QTGAL: variants seen among roughly 807,000 people sequenced by gnomAD.
QTGAL encodes queuosine-tRNA galactosyltransferase.
At chr17:83,014,133 G>A in the QTGAL span, among the ~76,000 whole-genome samples, 6 of 152,318 alleles carry the variant, frequency 3.9e-5, no homozygotes, top group South Asian at 2.1e-4. Flanking sequence ...TAAGAAAAAC[G>A]TTTAACTGTG....
At chr17:82,965,882 A>G in the QTGAL span, 1 of 918,866 alleles carries the variant, frequency 1.1e-6, no homozygotes, top group South Asian at 1.6e-5. Flanking sequence ...CAGGGCCTCA[A>G]GAGACTTCAC....
the QTGAL span, among the ~76,000 whole-genome samples, chr17:83,009,284 C>T: frequency 2.0e-5 from 3 of 151,990 alleles, no homozygotes; most frequent in East Asian, 3.9e-4. Flanking sequence ...ATTAGCCGGG[C>T]GTGGTGGCGC....
At chr17:83,015,366 A>G in the QTGAL span, among the ~76,000 whole-genome samples, 3 of 152,272 alleles carry the variant, frequency 2.0e-5, no homozygotes, top group African/African-American at 7.2e-5. This position sits in a 1 kb window ranked among gnomAD's most constrained non-coding sequence, Gnocchi z 4.4. Flanking sequence ...TCACACACAC[A>G]GACATGCTCA....
At chr17:82,989,046 G>A in the QTGAL span, among the ~76,000 whole-genome samples, 3 of 152,144 alleles carry the variant, frequency 2.0e-5, no homozygotes, top group African/African-American at 7.2e-5. Flanking sequence ...AAAGGTACAT[G>A]CACGCGTATG....
At chr17:83,013,302 G>C in the QTGAL span, among the ~76,000 whole-genome samples, 8 of 151,388 alleles carry the variant, frequency 5.3e-5, no homozygotes, top group Middle Eastern at 3.4e-3. Context: ...TCTGTCTCCT[G>C]CCTCACGTGA....
the QTGAL span, among the ~76,000 whole-genome samples, chr17:83,038,515 T>C: frequency 3.9e-5 from 6 of 152,212 alleles, no homozygotes; most frequent in Admixed American, 3.3e-4. Context: ...TTAAATTTGT[T>C]TTCATCCAAC....
the QTGAL span, among the ~76,000 whole-genome samples, chr17:82,983,212 G>A: frequency 5.9e-5 from 9 of 152,260 alleles, no homozygotes; most frequent in Non-Finnish European, 7.4e-5. Flanking sequence ...CCCAGAAGGC[G>A]GAGGTTGCAG....
At chr17:83,025,613 G>A in the QTGAL span, among the ~76,000 whole-genome samples, 1,697 of 80,044 alleles carry the variant, frequency 0.021, 3 homozygotes, top group African/African-American at 0.064. Context: ...ACACACACAC[G>A]GACACCGCGG....
At chr17:82,961,149 C>G in the QTGAL span, 14 of 1,607,920 alleles carry the variant, frequency 8.7e-6, no homozygotes, top group East Asian at 2.9e-4. Context: ...TCCTGAGGTG[C>G]TCGTAGAAGA....
chr17:83,016,830 G>C, the QTGAL span, among the ~76,000 whole-genome samples: 1 of 152,080 alleles, frequency 6.6e-6, no homozygotes, highest in Admixed American at 6.5e-5. Flanking sequence ...GACCCTGACA[G>C]GTATTTCAAA....
the QTGAL span, among the ~76,000 whole-genome samples, chr17:83,033,240 T>A: frequency 6.6e-6 from 1 of 152,150 alleles, no homozygotes; most frequent in African/African-American, 2.4e-5. Flanking sequence ...TCACAGTGAC[T>A]CCCCCATGGA....
chr17:82,988,583 G>T, the QTGAL span, among the ~76,000 whole-genome samples: 1 of 152,196 alleles, frequency 6.6e-6, no homozygotes, highest in Non-Finnish European at 1.5e-5. Context: ...GCTATGGAAT[G>T]GGGGAAAATT....
At chr17:83,040,856 G>A in the QTGAL span, among the ~76,000 whole-genome samples, 1 of 152,146 alleles carries the variant, frequency 6.6e-6, no homozygotes, top group Non-Finnish European at 1.5e-5. Flanking sequence ...ACAAGGTCAG[G>A]AGATCGAGAA....
chr17:83,048,022 TTCTC>T, the QTGAL span, among the ~76,000 whole-genome samples: 31,958 of 151,374 alleles, frequency 0.21, 3,434 homozygotes, highest in Non-Finnish European at 0.23. Flanking sequence ...CTTCCTCTCT[TTCTC>T]TCTCTCTTTC....
the QTGAL span, among the ~76,000 whole-genome samples, chr17:82,972,255 C>A: frequency 3.3e-4 from 11 of 33,066 alleles, 1 homozygote; most frequent in Non-Finnish European, 1.1e-4. Context: ...CAGAAGGACC[C>A]GGTACTGACC....
the QTGAL span, chr17:82,957,032 C>T: frequency 3.3e-6 from 4 of 1,201,492 alleles, no homozygotes; most frequent in Middle Eastern, 2.6e-4. Context: ...GGGTTCTCCC[C>T]CCAAGAATGG....
chr17:82,970,648 T>TGGACTGACCTCCGCACCCAGC, the QTGAL span, among the ~76,000 whole-genome samples: 19 of 33,574 alleles, frequency 5.7e-4, 3 homozygotes, highest in Non-Finnish European at 7.5e-4. Context: ...CCGCACCCGG[T>TGGACTGACCTCCGCACCCAGC]GTGGCCGCGA....
the QTGAL span, among the ~76,000 whole-genome samples, chr17:83,007,910 G>T: frequency 6.6e-6 from 1 of 152,230 alleles, no homozygotes; most frequent in Non-Finnish European, 1.5e-5. Context: ...AACCTTGGAA[G>T]AAGGCAGCAA....
chr17:82,976,964 G>A, the QTGAL span, among the ~76,000 whole-genome samples: 2 of 83,552 alleles, frequency 2.4e-5, 1 homozygote, highest in African/African-American at 9.3e-5. Context: ...GGACAGAGCC[G>A]AACTCCATCC....
Sources: allele counts gnomAD v4.1 joint callset (sites outside exome capture counted in the v4.1 genomes callset), GRCh38; gene constraint gnomAD v4.1.1; non-coding constraint Gnocchi (gnomAD v3.1); transcripts MANE v1.5; gene names NCBI Gene and HGNC (gene_info 2026-07-23, HGNC 2026-07-21).